The following IQCN variants were observed in gnomAD, a reference collection of about 807,000 sequenced individuals.
IQCN encodes the protein IQ domain-containing protein N.
A neutral mutation model predicts 64.4 loss-of-function variants in IQCN; 46 were observed. The observed-to-expected ratio is 0.71, with a 90% CI of 0.56 to 0.91. IQCN has a LOEUF of 0.91. Among genes scored for constraint, IQCN ranks in the 40% least tolerant of loss-of-function variants. The pLI, the probability that IQCN is intolerant of heterozygous loss-of-function variation, is 0.00. For missense variants in IQCN, 1,753 were observed against 1,857.4 expected, an observed-to-expected ratio of 0.94 and a Z score of 1.03; for synonymous variants, 733 against 775.6, an observed-to-expected ratio of 0.95 and a Z score of 0.91.
rs1182788702 is a variant in IQCN at position 18,266,200 on chromosome 19, C to T, written c.1340G>A (p.Gly447Glu). 6 of 1,613,794 alleles carry T rather than the reference C, an allele frequency of 3.7e-6. No individual in the cohort carries two copies. Among genetic ancestry groups the T allele is most frequent in the South Asian group, 2.2e-5 (2 of 91,056 alleles). ...IMKSLPQVCP[G>E]PAMAKTPPQM... is the part of the protein sequence containing the mutation. ...GGGTGGGGTCTTTGCCATCGCAGGC[C>T]CCGGGCATACCTGGGGCAGGCTCTT... is the stretch of plus-strand genomic sequence containing the variant. Residue 447 changes from glycine (G) to glutamate (E), a missense_variant, in exon 3 of 4, where the codon GGG (glycine) becomes GAG (glutamate). Transcript: ENST00000392413. The surrounding 1 kb of genome is among the most constrained non-coding windows in gnomAD (Gnocchi z 4.3).
chr19:18,257,426 G>A lies in IQCN; in HGVS notation c.3858C>T (p.Ala1286=), dbSNP rs1160184112. ...EGPGAVSWAS[A]YQLAALSPRQ... ...TGGGACTCAGGGCAGCCAGCTGGTA[G>A]GCGGAGGCCCAAGACACTGCCCCGG... is the stretch of plus-strand genomic sequence containing the variant. The change falls in exon 4 of 4, where the codon GCC becomes GCT. Residue 1286 remains alanine, a synonymous_variant. Coordinates refer to ENST00000392413, the MANE Select transcript of IQCN (RefSeq NM_001145304.2). The A allele has an allele frequency of 1.9e-6, 3 of 1,609,868 alleles. No homozygotes were observed. The highest frequency in any genetic ancestry group is 2.5e-6 in the Non-Finnish European group (3 of 1,179,374).
Position 18,266,671 on chromosome 19 carries a change from T to A in IQCN, c.869A>T (p.Lys290Ile). The change falls in exon 3 of 4, where the codon AAA becomes ATA. Residue 290 changes from lysine (K) to isoleucine (I), a missense_variant. By Grantham distance (102) the Lys-to-Ile change is moderately radical. Transcript: ENST00000392413. The surrounding 1 kb of genome is among the most constrained non-coding windows in gnomAD (Gnocchi z 4.3). Reference sequence around the variant, plus strand: ...CAATGGTGTCTCCGGAGCCCTGGCTTTGTTGGTCCGGGCACTTACACGTTT... The same window carrying A: ...CAATGGTGTCTCCGGAGCCCTGGCTATGTTGGTCCGGGCACTTACACGTTT... ...KTKRVSARTN[K>I]ARAPETPLSR... 6.2e-7 allele frequency: 1 copy of A among 1,614,072 alleles called. No individual in the cohort carries two copies.
At chr19:18,260,290 G>A (rs971908876) in intron 3 of IQCN, 1 of 152,480 alleles carries the variant, frequency 6.6e-6, no homozygotes, top group East Asian at 1.9e-4. Flanking sequence ...CCAGTACCCA[G>A]GGATGGCTGG....
chr19:18,263,392 A>C (rs1459320562), intron 3 of IQCN, among the ~76,000 whole-genome samples: 1 of 152,148 alleles, frequency 6.6e-6, no homozygotes, highest in East Asian at 1.9e-4. Flanking sequence ...CCGAGGATGG[A>C]TGGCTGGTGG....
At chr19:18,258,178 G>A (rs999815) in intron 3 of IQCN, 72 bp from the exon 4 acceptor site, 369,891 of 1,517,968 alleles carry the variant, frequency 0.24, 46,772 homozygotes, top group East Asian at 0.28. Context: ...GAGTCCTGCC[G>A]TCTCCACGGT....
chr19:18,262,883 C>T (rs80214027), intron 3 of IQCN, among the ~76,000 whole-genome samples: 3 of 152,164 alleles, frequency 2.0e-5, no homozygotes, highest in Non-Finnish European at 2.9e-5. Flanking sequence ...TACCTAAAGA[C>T]AGAGTCCTCC....
At chr19:18,270,628 G>A (rs148932277) in intron 1 of IQCN, among the ~76,000 whole-genome samples, 3 of 151,840 alleles carry the variant, frequency 2.0e-5, no homozygotes, top group South Asian at 2.1e-4. Context: ...CACTGCACTC[G>A]AGCCTGAGCG....
chr19:18,268,363 G>C (rs1003476068), intron 2 of IQCN, among the ~76,000 whole-genome samples: 1 of 151,720 alleles, frequency 6.6e-6, no homozygotes, highest in Non-Finnish European at 1.5e-5. Context: ...GGTATTGGGT[G>C]GGGGGGGCAT....
chr19:18,258,008 C>T lies in IQCN; in HGVS notation c.3276G>A (p.Ala1092=), dbSNP rs141520800. The T allele has an allele frequency of 2.0e-5, 32 of 1,612,632 alleles. No homozygotes were observed. Among genetic ancestry groups the T allele is most frequent in the Non-Finnish European group, 2.5e-5 (30 of 1,179,880 alleles). The change falls in exon 4 of 4, where the codon GCG becomes GCA. Residue 1092 remains alanine, a synonymous_variant. Coordinates refer to ENST00000392413, the MANE Select transcript of IQCN (RefSeq NM_001145304.2). Reference sequence around the variant, plus strand: ...CCCCGGACCGCCTGGGAGGCACCACCGCCTTGTTGCGCCAGGTGTCCCAGG... The same window carrying T: ...CCCCGGACCGCCTGGGAGGCACCACTGCCTTGTTGCGCCAGGTGTCCCAGG... The part of the protein sequence containing the change: ...AASWDTWRNK[A]VVPPRRSGEP...
chr19:18,271,073 G>A (rs1395079434), intron 1 of IQCN, among the ~76,000 whole-genome samples: 1 of 150,100 alleles, frequency 6.7e-6, no homozygotes, highest in Non-Finnish European at 1.5e-5. Context: ...TTCAGAGGCT[G>A]AAGCAGGAGA....
chr19:18,265,011 T>C lies in IQCN; in HGVS notation c.2529A>G (p.Thr843=), dbSNP rs1969522302. ...VPPMAPTGHS[T]CNVESWGDNG... ...TGTCTCCCCAGGACTCAACGTTGCA[T>C]GTGGAATGGCCGGTGGGTGCCATCG... The change falls in exon 3 of 4, where the codon ACA becomes ACG. Residue 843 remains threonine (T), a synonymous_variant. Coordinates refer to ENST00000392413, the MANE Select transcript of IQCN (RefSeq NM_001145304.2). This position sits in a 1 kb window ranked among gnomAD's most constrained non-coding sequence, Gnocchi z 4.7. The C allele has an allele frequency of 5.6e-6, 9 of 1,603,894 alleles. No individual in the cohort carries two copies. Among genetic ancestry groups the C allele is most frequent in the Non-Finnish European group, 5.1e-6 (6 of 1,179,828 alleles).
At chr19:18,258,172 C>T (rs768923926) in intron 3 of IQCN, 66 bp from the exon 4 acceptor site, 1 of 1,545,360 alleles carries the variant, frequency 6.5e-7, no homozygotes, top group Non-Finnish European at 8.8e-7. Flanking sequence ...CTATAGGAGT[C>T]CTGCCGTCTC....
Position 18,264,263 on chromosome 19 carries a change from C to T in IQCN, c.3177+100G>A. 2.9e-6 allele frequency: 3 copies of T among 1,035,182 alleles called. No individual in the cohort carries two copies. Among genetic ancestry groups the T allele is most frequent in the Non-Finnish European group, 4.1e-6 (3 of 735,788 alleles). The allele number at this position is 1,035,182 out of a possible 1,614,324, so 64.1% of individuals were successfully genotyped here. A position where few individuals can be genotyped will look rare whatever the true frequency, so the allele number is the denominator to read the frequency against. On this transcript the variant is annotated intron_variant, in intron 3 of 3. Coordinates refer to ENST00000392413, the MANE Select transcript of IQCN (RefSeq NM_001145304.2). This position sits in a 1 kb window ranked among gnomAD's most constrained non-coding sequence, Gnocchi z 4.3. ...CAGTGACCACAGATAAGCAGGGTGA[C>T]CCCCACAAGATGGCCCCATCAATCC...
Position 18,265,558 on chromosome 19 carries a change from T to C in IQCN, c.1982A>G (p.Gln661Arg). The C allele has an allele frequency of 6.2e-7, 1 of 1,611,838 alleles. No individual in the cohort carries two copies. Among genetic ancestry groups the C allele is most frequent in the Non-Finnish European group, 8.5e-7 (1 of 1,178,390 alleles). ...GGCATTGGTCAGTGGGGCAGCCAGC[T>C]GTCCCCGGGGCAGGGTGACAGCCAT... ...VDMAVTLPRG[Q>R]LAAPLTNASS... Residue 661 changes from glutamine to arginine, a missense_variant, in exon 3 of 4, where the codon CAG becomes CGG. Gln to Arg is a conservative substitution (Grantham distance 43). Transcript: ENST00000392413. The surrounding 1 kb of genome is among the most constrained non-coding windows in gnomAD (Gnocchi z 4.7).
intron 1 of IQCN, among the ~76,000 whole-genome samples, chr19:18,270,013 T>A (rs939845760): frequency 3.5e-5 from 5 of 142,204 alleles, no homozygotes; most frequent in Admixed American, 7.4e-5. Context: ...GGACAGAAGT[T>A]TGAGACCAGC....
At chr19:18,273,521 G>A (rs994513504) in intron 1 of IQCN, among the ~76,000 whole-genome samples, 1 of 151,984 alleles carries the variant, frequency 6.6e-6, no homozygotes, top group Non-Finnish European at 1.5e-5. Context: ...TAGTGGAAAT[G>A]GGGTTTCTCC....
chr19:18,258,787 T>G (rs1477271), intron 3 of IQCN: 1 of 227,034 alleles, frequency 4.4e-6, no homozygotes, highest in Non-Finnish European at 8.9e-6. Flanking sequence ...ATGACGTGAG[T>G]GACAGACCCC....
chr19:18,270,383 G>A (rs1969708926), intron 1 of IQCN, among the ~76,000 whole-genome samples: 2 of 149,474 alleles, frequency 1.3e-5, no homozygotes, highest in South Asian at 4.2e-4. Flanking sequence ...AAATAGGCCG[G>A]GCACAGTGGC....
Position 18,267,627 on chromosome 19 carries a change from C to T in IQCN, c.14-101G>A, listed in dbSNP as rs1969632375. Reference sequence around the variant, plus strand: ...GGCCCCCCAGGCCCAGATCTTGTTCCTGGCACGTTGCGATCTTCCGCCTCC... The same window carrying T: ...GGCCCCCCAGGCCCAGATCTTGTTCTTGGCACGTTGCGATCTTCCGCCTCC... On this transcript the variant is annotated intron_variant, in intron 2 of 3. Transcript: ENST00000392413. The T allele has an allele frequency of 2.5e-5, 35 of 1,408,040 alleles. No homozygotes were observed. The South Asian group carries it at 5.2e-4, about 21-fold the overall frequency. The allele number at this position is 1,408,040 out of a possible 1,614,324, so 87.2% of individuals were successfully genotyped here. A position where few individuals can be genotyped will look rare whatever the true frequency, so the allele number is the denominator to read the frequency against.
Sources: allele counts gnomAD v4.1 joint callset (sites outside exome capture counted in the v4.1 genomes callset), GRCh38; gene constraint gnomAD v4.1.1; non-coding constraint Gnocchi (gnomAD v3.1); transcripts MANE v1.5; gene names NCBI Gene and HGNC (gene_info 2026-07-23, HGNC 2026-07-21).